The following SORL1 variants were observed in gnomAD, a reference collection of about 807,000 sequenced individuals.
The protein encoded by SORL1 is sortilin related receptor 1, also known as sortilin-related receptor.
A neutral mutation model predicts 273.7 loss-of-function variants in SORL1; 127 were observed. The observed-to-expected ratio is 0.46, with a 90% CI of 0.40 to 0.54. The LOEUF is 0.54. Ranked by LOEUF, SORL1 falls within the 20% of genes least tolerant of loss-of-function variation. The probability of loss-of-function intolerance (pLI) is 0.00; values close to 1 mark genes in which losing one functional copy is unlikely to be tolerated. For synonymous variants in SORL1, 1,031 were observed against 1,067.4 expected (o/e 0.97, Z 0.66); for missense variants, 2,494 against 2,846.1 (o/e 0.88, Z 2.81).
chr11:121,581,580 A>G (rs1320197885), intron 25 of SORL1, among the ~76,000 whole-genome samples: 1 of 152,218 alleles, frequency 6.6e-6, no homozygotes, highest in Admixed American at 6.5e-5. Flanking sequence ...TGCAGTATTT[A>G]CCGGGCACTC....
chr11:121,591,703 C>A (rs773170263), intron 31 of SORL1, among the ~76,000 whole-genome samples: 2 of 152,136 alleles, frequency 1.3e-5, no homozygotes, highest in African/African-American at 4.8e-5. Flanking sequence ...TAACAGCAGG[C>A]GGAACAGAGG....
At chr11:121,600,409 C>A (rs899420072) in intron 32 of SORL1, among the ~76,000 whole-genome samples, 1 of 152,132 alleles carries the variant, frequency 6.6e-6, no homozygotes, top group African/African-American at 2.4e-5. Context: ...AAGGAATGAA[C>A]AAAGTAGACT....
At chr11:121,461,180 TAA>T (rs11453033) in intron 1 of SORL1, among the ~76,000 whole-genome samples, 36 of 147,472 alleles carry the variant, frequency 2.4e-4, no homozygotes, top group African/African-American at 8.0e-4. Context: ...ACTGAGTGGT[TAA>T]AAAAAAAAAA....
chr11:121,507,246 G>A (rs1861802676), intron 6 of SORL1, among the ~76,000 whole-genome samples: 2 of 152,098 alleles, frequency 1.3e-5, no homozygotes, highest in Admixed American at 1.3e-4. Context: ...TTTTACTGTG[G>A]TGTGTCTGGG....
At chr11:121,571,009 A>G (rs2134928207) in intron 23 of SORL1, among the ~76,000 whole-genome samples, 1 of 152,328 alleles carries the variant, frequency 6.6e-6, no homozygotes, top group African/African-American at 2.4e-5. Flanking sequence ...CTCACTCAAC[A>G]AGCAGTTGCT....
chr11:121,482,355 T>A (rs994661088), intron 3 of SORL1, among the ~76,000 whole-genome samples: 5 of 152,132 alleles, frequency 3.3e-5, no homozygotes, highest in Non-Finnish European at 7.4e-5. Flanking sequence ...TAGATTCTCA[T>A]GGGTGGATAT....
intron 6 of SORL1, among the ~76,000 whole-genome samples, chr11:121,502,124 CTTTTTTTTTT>C (rs57842880): frequency 1.5e-4 from 10 of 65,174 alleles, no homozygotes; most frequent in East Asian, 4.6e-4. Flanking sequence ...TGTGACAATT[CTTTTTTTTTT>C]TTTTTTTTTT....
intron 35 of SORL1, 56 bp downstream of exon 35, chr11:121,605,627 G>A (rs191592291): frequency 1.4e-6 from 2 of 1,444,974 alleles, no homozygotes; most frequent in Non-Finnish European, 1.9e-6. Flanking sequence ...CGGGGTTTGT[G>A]AGGGTCTTTC....
intron 41 of SORL1, among the ~76,000 whole-genome samples, chr11:121,617,660 A>G (rs935357731): frequency 4.6e-5 from 7 of 152,220 alleles, no homozygotes; most frequent in African/African-American, 1.4e-4. Context: ...ACATGTGCAC[A>G]TAACTCTTGG....
In SORL1 at chr11:121,595,532, G is replaced by T; in HGVS notation, c.4370-91G>T. 8.6e-7 allele frequency: 1 copy of T among 1,160,018 alleles called. No homozygotes were observed. The highest frequency in any genetic ancestry group is 1.2e-6 in the Non-Finnish European group (1 of 811,482). 71.9% of individuals were successfully genotyped at this position (1,160,018 alleles called of 1,614,324 possible). On this transcript the variant is annotated intron_variant, in intron 31 of 47. Transcript: ENST00000260197. The surrounding 1 kb of genome is among the most constrained non-coding windows in gnomAD (Gnocchi z 5.1). ...TCAGGTTCCCATTGTAATTTCTAAA[G>T]CACCGTAATCTCCTAGCATATTGAT...
chr11:121,466,029 G>A (rs965437814), intron 1 of SORL1, among the ~76,000 whole-genome samples: 1 of 152,154 alleles, frequency 6.6e-6, no homozygotes, highest in African/African-American at 2.4e-5. Flanking sequence ...GCTGTTTGTT[G>A]TTTATGATGC....
At chr11:121,484,443 A>AT (rs1400654943) in intron 3 of SORL1, among the ~76,000 whole-genome samples, 1 of 152,156 alleles carries the variant, frequency 6.6e-6, no homozygotes, top group Admixed American at 6.6e-5. Context: ...GAAGGCACAT[A>AT]TTTTGAGAAA....
intron 1 of SORL1, among the ~76,000 whole-genome samples, chr11:121,460,394 A>AAT (rs1860978357): frequency 8.1e-6 from 1 of 122,936 alleles, no homozygotes; most frequent in African/African-American, 3.1e-5. Flanking sequence ...GTCATGATGA[A>AAT]TTTTTTTTTT....
intron 24 of SORL1, among the ~76,000 whole-genome samples, chr11:121,575,913 C>G (rs1862922329): frequency 6.6e-6 from 1 of 152,254 alleles, no homozygotes; most frequent in South Asian, 2.1e-4. Context: ...ATGGCTCATT[C>G]TTACTAGTTT....
At chr11:121,610,978 G>A in intron 38 of SORL1, 98 bp from the exon 39 acceptor site, 1 of 799,660 alleles carries the variant, frequency 1.3e-6, no homozygotes, top group Non-Finnish European at 2.2e-6. Flanking sequence ...TTCCCCGACT[G>A]AAAGATGGCT....
intron 6 of SORL1, among the ~76,000 whole-genome samples, chr11:121,504,204 G>C (rs1167304456): frequency 3.9e-5 from 6 of 152,160 alleles, no homozygotes; most frequent in Admixed American, 6.5e-5. Context: ...ACGAGGCCAG[G>C]AGTTCGAGAC....
At chr11:121,478,939 C>A (rs1308439983) in intron 3 of SORL1, among the ~76,000 whole-genome samples, 1 of 146,986 alleles carries the variant, frequency 6.8e-6, no homozygotes, top group Non-Finnish European at 1.5e-5. Context: ...TACCCACGTG[C>A]GTGTGTGGGT....
At chr11:121,465,270 T>C (rs1861065522) in intron 1 of SORL1, among the ~76,000 whole-genome samples, 1 of 152,238 alleles carries the variant, frequency 6.6e-6, no homozygotes, top group African/African-American at 2.4e-5. Flanking sequence ...AATCATGCAA[T>C]ATGTGACCTT....
In SORL1 at chr11:121,478,054, A is replaced by G. The variant is rs1372051299; in HGVS notation, c.403-64A>G. The G allele has an allele frequency of 1.9e-5, 28 of 1,441,666 alleles. No individual in the cohort carries two copies. In the South Asian group the frequency reaches 3.6e-4, roughly 18 times the overall value. The allele number at this position is 1,441,666 out of a possible 1,614,324, so 89.3% of individuals were successfully genotyped here. A position where few individuals can be genotyped will look rare whatever the true frequency, so the allele number is the denominator to read the frequency against. ...TCTCAAAAAAAAAAAAAAAAAAAAG[A>G]AAGATCTTTCTGCCAGTTTCTCACC... On this transcript the variant is annotated intron_variant, in intron 2 of 47. Transcript: ENST00000260197.
Sources: gnomAD v4.1 joint callset for allele counts (sites outside exome capture counted in the v4.1 genomes callset) on GRCh38, gnomAD v4.1.1 for gene constraint, Gnocchi (gnomAD v3.1) non-coding constraint, MANE v1.5 for transcripts, NCBI Gene and HGNC (gene_info 2026-07-23, HGNC 2026-07-21) for gene names.